RAF1: variants seen among roughly 807,000 people sequenced by gnomAD.
The protein encoded by RAF1 is RAF proto-oncogene serine/threonine-protein kinase.
In RAF1, 27 loss-of-function variants were observed where a neutral mutation model predicts 81.1. The observed-to-expected ratio is 0.33, with a 90% CI of 0.25 to 0.46. The LOEUF is 0.46. Ranked by LOEUF, RAF1 falls within the 20% of genes least tolerant of loss-of-function variation. The probability of loss-of-function intolerance (pLI) is 1.00; values close to 1 mark genes in which losing one functional copy is unlikely to be tolerated. For missense variants in RAF1, 598 were observed against 826.0 expected, an observed-to-expected ratio of 0.72 and a Z score of 3.38; for synonymous variants, 298 against 294.0, an observed-to-expected ratio of 1.01 and a Z score of -0.14.
At chr3:12,645,873 C>T (rs372452713) in intron 1 of RAF1, among the ~76,000 whole-genome samples, 2 of 152,012 alleles carry the variant, frequency 1.3e-5, no homozygotes, top group African/African-American at 4.8e-5. Context: ...CTGTGCCTGG[C>T]TTATTACATT....
chr3:12,618,879 AAAAGTTTCTTTAAT>A (rs1276327070), intron 1 of RAF1, 132 bp from the exon 2 acceptor site: 2 of 718,208 alleles, frequency 2.8e-6, no homozygotes, highest in Non-Finnish European at 4.7e-6. Flanking sequence ...ATCAGCAAAG[AAAAGTTTCTTTAAT>A]AGTACACTTC....
At chr3:12,654,359 T>G (rs1259694265) in intron 1 of RAF1, among the ~76,000 whole-genome samples, 1 of 151,728 alleles carries the variant, frequency 6.6e-6, no homozygotes, top group African/African-American at 2.4e-5. Context: ...CCCAGCATTT[T>G]GGGAGGCCAA....
intron 11 of RAF1, 88 bp downstream of exon 10, chr3:12,599,603 C>G (rs2058792879): frequency 2.2e-6 from 2 of 927,780 alleles, no homozygotes; most frequent in Admixed American, 3.4e-5. Context: ...CAGGAGCACT[C>G]AGTCCTCTCC....
intron 11 of RAF1, among the ~76,000 whole-genome samples, chr3:12,598,744 A>C (rs899030374): frequency 5.3e-5 from 8 of 149,642 alleles, no homozygotes; most frequent in African/African-American, 9.8e-5. Flanking sequence ...AAAAAAAAAA[A>C]AAAAAAAAAC....
At chr3:12,619,332 G>A (rs2059477862) in intron 1 of RAF1, among the ~76,000 whole-genome samples, 1 of 152,082 alleles carries the variant, frequency 6.6e-6, no homozygotes, top group African/African-American at 2.4e-5. Flanking sequence ...GGGAGGCCGA[G>A]GCCAGCGCAT....
intron 2 of RAF1, among the ~76,000 whole-genome samples, chr3:12,617,275 G>A (rs5746191): frequency 0.21 from 32,063 of 151,942 alleles, 3,627 homozygotes; most frequent in African/African-American, 0.29. Flanking sequence ...ACCATGCCTG[G>A]CTGTAATTTT....
intron 14 of RAF1, 62 bp downstream of exon 13, chr3:12,587,529 T>A: frequency 6.9e-7 from 1 of 1,445,026 alleles, no homozygotes; most frequent in Non-Finnish European, 9.7e-7. Flanking sequence ...ATAGAAAGCC[T>A]CCCTTCTGTT....
At chr3:12,619,888 C>T (rs1476802748) in intron 1 of RAF1, among the ~76,000 whole-genome samples, 1 of 151,904 alleles carries the variant, frequency 6.6e-6, no homozygotes, top group African/African-American at 2.4e-5. Context: ...CGAGACCATC[C>T]TAGCTAACAC....
chr3:12,592,601 G>C (rs957752048), intron 11 of RAF1, among the ~76,000 whole-genome samples: 1 of 152,004 alleles, frequency 6.6e-6, no homozygotes, highest in Non-Finnish European at 1.5e-5. Context: ...ACCCCAGTCT[G>C]ACTCCAATTG....
chr3:12,587,847 T>TC (rs2058376638), intron 13 of RAF1: 1 of 457,188 alleles, frequency 2.2e-6, no homozygotes, highest in African/African-American at 2.0e-5. Context: ...CTTTTTTTTT[T>TC]TTTTTTTGGA....
At chr3:12,621,766 C>T (rs1265527553) in intron 1 of RAF1, among the ~76,000 whole-genome samples, 1 of 152,040 alleles carries the variant, frequency 6.6e-6, no homozygotes, top group African/African-American at 2.4e-5. Context: ...TTAATATCCA[C>T]GTGATAAATA....
At chr3:12,646,533 C>A (rs943205003) in intron 1 of RAF1, among the ~76,000 whole-genome samples, 1 of 150,988 alleles carries the variant, frequency 6.6e-6, no homozygotes, top group Non-Finnish European at 1.5e-5. Context: ...ACCACCAACG[C>A]CCTGCTAATT....
intron 1 of RAF1, among the ~76,000 whole-genome samples, chr3:12,652,279 T>C (rs990062005): frequency 2.6e-5 from 4 of 151,592 alleles, no homozygotes; most frequent in Admixed American, 6.6e-5. Flanking sequence ...TCCCAGAACT[T>C]TGGGAGGCCG....
chr3:12,621,431 T>C (rs996176701), intron 1 of RAF1, among the ~76,000 whole-genome samples: 1 of 152,074 alleles, frequency 6.6e-6, no homozygotes, highest in Non-Finnish European at 1.5e-5. Flanking sequence ...CATGCCCAAA[T>C]CAAGAGGGAG....
intron 1 of RAF1, among the ~76,000 whole-genome samples, chr3:12,632,277 T>C (rs770301643): frequency 8.1e-5 from 12 of 148,168 alleles, no homozygotes; most frequent in East Asian, 2.0e-4. Flanking sequence ...TGAGCCGAGA[T>C]TGCACCGTTG....
At chr3:12,614,899 T>G (rs936665137) in intron 2 of RAF1, among the ~76,000 whole-genome samples, 1 of 152,214 alleles carries the variant, frequency 6.6e-6, no homozygotes, top group Non-Finnish European at 1.5e-5. Flanking sequence ...AACGGAATCA[T>G]GACCTGCATC....
chr3:12,638,894 T>A (rs1360211784), intron 1 of RAF1, among the ~76,000 whole-genome samples: 1 of 152,220 alleles, frequency 6.6e-6, no homozygotes, highest in East Asian at 1.9e-4. Flanking sequence ...AATGTGTTTT[T>A]AAACATACAT....
At chr3:12,641,752 A>C (rs1026897435) in intron 1 of RAF1, among the ~76,000 whole-genome samples, 4 of 152,130 alleles carry the variant, frequency 2.6e-5, no homozygotes. Flanking sequence ...TTGGCCTCCC[A>C]AAGTGCTGGG....
At chr3:12,592,939 C>T (rs897135196) in intron 11 of RAF1, among the ~76,000 whole-genome samples, 2 of 151,260 alleles carry the variant, frequency 1.3e-5, no homozygotes, top group Admixed American at 1.3e-4. Flanking sequence ...CGGGGTTTCA[C>T]CATGTTAGCC....
Sources: allele counts gnomAD v4.1 joint callset (sites outside exome capture counted in the v4.1 genomes callset), GRCh38; gene constraint gnomAD v4.1.1; transcripts MANE v1.5; gene names NCBI Gene and HGNC (gene_info 2026-07-23, HGNC 2026-07-21).